SNX29: variants seen among roughly 807,000 people sequenced by gnomAD.
The protein encoded by SNX29 is sorting nexin-29.
Under a neutral mutation model 102.1 loss-of-function variants are expected in SNX29, and 78 were observed. That is an observed-to-expected ratio of 0.76 (90% CI 0.64 to 0.92). SNX29 has a LOEUF of 0.92. SNX29 is among the 40% of genes least tolerant of loss of function. The pLI, the probability that SNX29 is intolerant of heterozygous loss-of-function variation, is 0.00. For synonymous variants in SNX29, 580 were observed against 414.5 expected (o/e 1.40, Z -4.85); for missense variants, 1,280 against 1,061.7 (o/e 1.21, Z -2.86).
chr16:12,367,513 A>T (rs903164174), intron 16 of SNX29: 16 of 152,230 alleles, frequency 1.1e-4, no homozygotes, highest in African/African-American at 3.9e-4. Context: ...CAGGGATGAG[A>T]TAGATGGAAA....
chr16:12,574,153 G>T lies in SNX29; in HGVS notation c.*5524G>T, dbSNP rs1205677892. On this transcript the variant is annotated 3_prime_UTR_variant, in exon 21 of 21. Coordinates refer to ENST00000566228, the MANE Select transcript of SNX29 (RefSeq NM_032167.5). ...CATAATAGGATTTTTAAACAAATGTGTTTAATTTTTTAAGATCTCTTGTAT... is the reference window on the plus strand; with the variant it reads ...CATAATAGGATTTTTAAACAAATGTTTTTAATTTTTTAAGATCTCTTGTAT... 5.5e-6 allele frequency: 1 copy of T among 181,464 alleles called. No individual in the cohort carries two copies. The highest frequency in any genetic ancestry group is 6.3e-5 in the Admixed American group (1 of 15,916). 11.2% of individuals were successfully genotyped at this position (181,464 alleles called of 1,614,324 possible).
intron 15 of SNX29, among the ~76,000 whole-genome samples, chr16:12,287,651 A>G (rs1344465236): frequency 6.6e-6 from 1 of 152,228 alleles, no homozygotes; most frequent in Non-Finnish European, 1.5e-5. Flanking sequence ...ATCACACCCT[A>G]AAGTTAGCAG....
In SNX29 at chr16:12,500,167, C is replaced by G. The variant is rs527280914; in HGVS notation, c.2178+22308C>G. 7.1e-3 allele frequency among the ~76,000 whole-genome samples: 1,063 copies of G among 150,086 alleles called. 10 individuals are homozygous for G. Among genetic ancestry groups the G allele is most frequent in the African/African-American group, 0.024 (1,001 of 40,962 alleles). On this transcript the variant is annotated intron_variant, in intron 19 of 20. Coordinates refer to ENST00000566228, the MANE Select transcript of SNX29 (RefSeq NM_032167.5). ...CCACCACACCTAGCTAATTTTTTTTCTGTTAATTTATGCAGCGACAAGGTC... is the reference window on the plus strand; with the variant it reads ...CCACCACACCTAGCTAATTTTTTTTGTGTTAATTTATGCAGCGACAAGGTC...
chr16:12,407,664 A>T (rs1190284867), intron 18 of SNX29, among the ~76,000 whole-genome samples: 3 of 152,232 alleles, frequency 2.0e-5, no homozygotes, highest in African/African-American at 7.2e-5. Flanking sequence ...CCTGTGGGGT[A>T]AGAAACTCTT....
rs371715646 is a variant in SNX29, at chr16:12,512,512, C to T, written c.2179-12190C>T. Among the ~76,000 whole-genome samples, 3 of 150,540 alleles carry T rather than the reference C, an allele frequency of 2.0e-5. No individual in the cohort carries two copies. In the East Asian group the frequency reaches 5.9e-4, roughly 30 times the overall value. On this transcript the variant is annotated intron_variant, in intron 19 of 20. Coordinates refer to ENST00000566228, the MANE Select transcript of SNX29 (RefSeq NM_032167.5). ...CACTGCAGCCTTGACCTCCCATGCT[C>T]AAGTGATCTTTCCACCTCCCATGGG... is the stretch of plus-strand genomic sequence containing the variant.
At position 12,096,660 on chromosome 16, in the gene SNX29, T is replaced by A. The variant is rs1281638886; in HGVS notation, c.1402+17745T>A. Among the ~76,000 whole-genome samples, 3 of 152,170 alleles carry A rather than the reference T, an allele frequency of 2.0e-5. No homozygotes were observed. Among genetic ancestry groups the A allele is most frequent in the Non-Finnish European group, 2.9e-5 (2 of 68,020 alleles). Reference sequence around the variant, plus strand: ...CAAAACGGGAGGCAATGGGGTCATGTGGGAGTGATGTACTCTTTGTTATCT... The same window carrying A: ...CAAAACGGGAGGCAATGGGGTCATGAGGGAGTGATGTACTCTTTGTTATCT... On this transcript the variant is annotated intron_variant, in intron 11 of 20. Coordinates refer to ENST00000566228, the MANE Select transcript of SNX29 (RefSeq NM_032167.5). This position sits in a 1 kb window ranked among gnomAD's most constrained non-coding sequence, Gnocchi z 4.2.
At chr16:12,356,333 A>C in intron 16 of SNX29, 54 bp downstream of exon 16, 1 of 1,495,682 alleles carries the variant, frequency 6.7e-7, no homozygotes, top group Non-Finnish European at 9.1e-7. Context: ...CCCACAGCCC[A>C]GTAGAAAAGC....
At chr16:12,524,317 G>A (rs889893343) in intron 19 of SNX29, among the ~76,000 whole-genome samples, 1 of 151,942 alleles carries the variant, frequency 6.6e-6, no homozygotes, top group African/African-American at 2.4e-5. Flanking sequence ...TGACCTGTGT[G>A]GTCACTGGAT....
At chr16:12,439,605 G>A (rs1435186592) in intron 18 of SNX29, among the ~76,000 whole-genome samples, 1 of 152,144 alleles carries the variant, frequency 6.6e-6, no homozygotes, top group African/African-American at 2.4e-5. Context: ...TCACTACCAC[G>A]AGAACAGTAT....
intron 20 of SNX29, among the ~76,000 whole-genome samples, chr16:12,546,922 G>A (rs969619797): frequency 6.6e-6 from 1 of 152,200 alleles, no homozygotes; most frequent in Admixed American, 6.5e-5. Context: ...AGGAGGATGA[G>A]AGCAGGGATG....
chr16:12,373,900 T>G (rs1488962141), intron 16 of SNX29: 1 of 152,258 alleles, frequency 6.6e-6, no homozygotes, highest in Non-Finnish European at 1.5e-5. Flanking sequence ...AGATATCATA[T>G]GTTGCCCGCC....
At chr16:12,538,851 G>A (rs952959343) in intron 20 of SNX29, among the ~76,000 whole-genome samples, 19 of 152,182 alleles carry the variant, frequency 1.2e-4, no homozygotes, top group African/African-American at 4.3e-4. Context: ...GCAAAGAGGG[G>A]CACAGAGAAC....
chr16:12,553,012 G>A (rs561692435), intron 20 of SNX29, among the ~76,000 whole-genome samples: 3 of 152,236 alleles, frequency 2.0e-5, no homozygotes, highest in East Asian at 3.8e-4. Context: ...AGGAGAGTGG[G>A]ATTAGATCAG....
intron 19 of SNX29, among the ~76,000 whole-genome samples, chr16:12,482,610 T>C (rs564325598): frequency 6.6e-6 from 1 of 152,346 alleles, no homozygotes; most frequent in East Asian, 1.9e-4. Context: ...CCAGGGTTGA[T>C]TGAATTTTGC....
intron 3 of SNX29, among the ~76,000 whole-genome samples, chr16:12,007,229 A>T (rs1396429592): frequency 2.0e-5 from 3 of 152,124 alleles, no homozygotes; most frequent in Non-Finnish European, 2.9e-5. Context: ...TCTCGGCTGG[A>T]TGCAGTGGCT....
chr16:12,290,008 C>T lies in SNX29; in HGVS notation c.1782+11972C>T, dbSNP rs149486139. ...GTGGAGCTGGAGAAACGGGATACAG[C>T]GGGAGTGGAGAACGCTGAGACAGGG... On this transcript the variant is annotated intron_variant, in intron 15 of 20. Coordinates refer to ENST00000566228, the MANE Select transcript of SNX29 (RefSeq NM_032167.5). Among the ~76,000 whole-genome samples, 439 of 152,170 alleles carry T rather than the reference C, an allele frequency of 2.9e-3. 3 individuals carry two copies. Among genetic ancestry groups the T allele is most frequent in the African/African-American group, 9.2e-3 (382 of 41,508 alleles).
chr16:12,567,423 A>G (rs2079057541), intron 20 of SNX29, among the ~76,000 whole-genome samples: 2 of 152,252 alleles, frequency 1.3e-5, no homozygotes, highest in African/African-American at 4.8e-5. Flanking sequence ...TATAGTAGGC[A>G]GAGTAAGAAC....
chr16:12,078,536 G>A (rs1223793452), intron 10 of SNX29, among the ~76,000 whole-genome samples: 2 of 152,292 alleles, frequency 1.3e-5, no homozygotes, highest in South Asian at 2.1e-4. Flanking sequence ...CCAGCTGTTC[G>A]ACTTCAGCTG....
chr16:12,074,775 C>T (rs1278977508), intron 10 of SNX29, among the ~76,000 whole-genome samples: 1 of 152,180 alleles, frequency 6.6e-6, no homozygotes, highest in Non-Finnish European at 1.5e-5. Context: ...AACTTGGTTC[C>T]ATTCTCCCCG....
Sources: gnomAD v4.1 joint callset for allele counts (sites outside exome capture counted in the v4.1 genomes callset) on GRCh38, gnomAD v4.1.1 for gene constraint, Gnocchi (gnomAD v3.1) non-coding constraint, MANE v1.5 for transcripts, NCBI Gene and HGNC (gene_info 2026-07-23, HGNC 2026-07-21) for gene names.